The following DLGAP1 variants were observed in gnomAD, a reference collection of about 807,000 sequenced individuals.
DLGAP1 encodes the protein DLG associated protein 1.
A neutral mutation model predicts 90.8 loss-of-function variants in DLGAP1; 11 were observed. The ratio of observed to expected loss-of-function variants is 0.12; its 90% CI spans 0.08 to 0.20. The LOEUF (loss-of-function observed/expected upper bound fraction) is 0.20. Ranked by LOEUF, DLGAP1 falls within the 10% of genes least tolerant of loss-of-function variation. The pLI is 1.00. For missense variants in DLGAP1, 1,050 were observed against 1,333.8 expected (o/e 0.79, Z 3.31); for synonymous variants, 558 against 540.7 (o/e 1.03, Z -0.44).
chr18:3,708,340 C>G, intron 7 of DLGAP1: 1 of 446,940 alleles, frequency 2.2e-6, no homozygotes, highest in Admixed American at 2.4e-5. Flanking sequence ...ACACATCTGA[C>G]CGTTGTAAAA....
chr18:3,718,447 C>T (rs1250155614), intron 7 of DLGAP1, among the ~76,000 whole-genome samples: 5 of 151,802 alleles, frequency 3.3e-5, no homozygotes, highest in East Asian at 1.9e-4. Flanking sequence ...TTCTAGGATG[C>T]GTGGAAGAAA....
chr18:3,978,897 G>T (rs529221534), intron 3 of DLGAP1, among the ~76,000 whole-genome samples: 109 of 152,286 alleles, frequency 7.2e-4, no homozygotes, highest in African/African-American at 2.6e-3. Flanking sequence ...TTTAGAGGAA[G>T]AATTAAATGA....
chr18:3,650,703 ACTC>A (rs751286229), intron 7 of DLGAP1, among the ~76,000 whole-genome samples: 117 of 151,708 alleles, frequency 7.7e-4, no homozygotes, highest in Non-Finnish European at 1.4e-3. Context: ...GAAGGAAGGA[ACTC>A]CTTCTGGGAG....
intron 1 of DLGAP1, among the ~76,000 whole-genome samples, chr18:4,389,040 T>G (rs1466989825): frequency 6.6e-6 from 1 of 152,148 alleles, no homozygotes; most frequent in Non-Finnish European, 1.5e-5. Flanking sequence ...AGCAATGTCT[T>G]GAAGTGACAC....
intron 2 of DLGAP1, among the ~76,000 whole-genome samples, chr18:4,061,763 T>C (rs1326211967): frequency 6.6e-6 from 1 of 152,210 alleles, no homozygotes; most frequent in Non-Finnish European, 1.5e-5. Context: ...ATTATAATTG[T>C]TACAGTAAAT....
intron 3 of DLGAP1, among the ~76,000 whole-genome samples, chr18:3,891,089 C>A (rs1262494503): frequency 6.6e-6 from 1 of 152,190 alleles, no homozygotes; most frequent in Non-Finnish European, 1.5e-5. Context: ...TAACATTACA[C>A]CTTCAACTTC....
intron 2 of DLGAP1, among the ~76,000 whole-genome samples, chr18:4,125,544 T>G (rs371677023): frequency 1.3e-5 from 2 of 152,024 alleles, no homozygotes; most frequent in Non-Finnish European, 2.9e-5. Flanking sequence ...GCTGGAATAG[T>G]GGAGACTCAA....
chr18:4,188,068 T>C (rs990638587), intron 1 of DLGAP1, among the ~76,000 whole-genome samples: 1 of 152,118 alleles, frequency 6.6e-6, no homozygotes, highest in Non-Finnish European at 1.5e-5. Flanking sequence ...GAAAAAATTC[T>C]ATAACAAATT....
rs2060468295 is a variant in DLGAP1, at chr18:3,680,379, G to T, written c.1591+48756C>A. Reference sequence around the variant, plus strand: ...CACAGGCCTGAGGGCAGAAGGAAGGGGTACAGGTGAGTACAGTGATCACAG... The same window carrying T: ...CACAGGCCTGAGGGCAGAAGGAAGGTGTACAGGTGAGTACAGTGATCACAG... On this transcript the variant is annotated intron_variant, in intron 7 of 12. Coordinates refer to ENST00000315677, the MANE Select transcript of DLGAP1 (RefSeq NM_004746.4). Among the ~76,000 whole-genome samples, 3 of 152,176 alleles carry T rather than the reference G, an allele frequency of 2.0e-5. No homozygotes were observed. In the South Asian group the frequency reaches 6.2e-4, roughly 32 times the overall value.
intron 1 of DLGAP1, among the ~76,000 whole-genome samples, chr18:4,160,053 G>T (rs1472605699): frequency 6.6e-6 from 1 of 152,194 alleles, no homozygotes; most frequent in East Asian, 1.9e-4. Flanking sequence ...CACAACTGTT[G>T]TCTTGTTACA....
At chr18:3,999,924 G>A (rs958103934) in intron 3 of DLGAP1, among the ~76,000 whole-genome samples, 3 of 152,156 alleles carry the variant, frequency 2.0e-5, no homozygotes, top group African/African-American at 7.2e-5. Flanking sequence ...GGATTGTCCT[G>A]CCTCAGCCTC....
chr18:3,622,791 T>C (rs1398708295), intron 7 of DLGAP1, among the ~76,000 whole-genome samples: 1 of 152,086 alleles, frequency 6.6e-6, no homozygotes, highest in Admixed American at 6.6e-5. Flanking sequence ...ACACATTCAT[T>C]GATTTCTTTT....
At chr18:4,150,108 C>T (rs1879562) in intron 2 of DLGAP1, among the ~76,000 whole-genome samples, 27,685 of 152,176 alleles carry the variant, frequency 0.18, 6,669 homozygotes, top group African/African-American at 0.55. Flanking sequence ...ATTTGGCCTG[C>T]GCTTCTTCCC....
Position 3,625,733 on chromosome 18 carries a change from GA to G in DLGAP1, c.1592-43486del, listed in dbSNP as rs1234453212. On this transcript the variant is annotated intron_variant, in intron 7 of 12. Coordinates refer to ENST00000315677, the MANE Select transcript of DLGAP1 (RefSeq NM_004746.4). ...TAGTTCAGAAAGCATTTGTAAAACA[GA>G]AAAAAAAAGGAAATCATAAATATCA... 5.3e-5 allele frequency among the ~76,000 whole-genome samples: 8 copies of G among 150,072 alleles called. No individual in the cohort carries two copies. The South Asian group carries it at 1.0e-3, about 20-fold the overall frequency.
chr18:4,030,721 G>A (rs1278350293), intron 2 of DLGAP1, among the ~76,000 whole-genome samples: 3 of 152,166 alleles, frequency 2.0e-5, no homozygotes, highest in Non-Finnish European at 4.4e-5. Flanking sequence ...AGGAGTTCGA[G>A]ACCAGCCTGG....
At chr18:3,933,087 G>A (rs965774527) in intron 3 of DLGAP1, among the ~76,000 whole-genome samples, 2 of 152,234 alleles carry the variant, frequency 1.3e-5, no homozygotes, top group African/African-American at 4.8e-5. Context: ...GTTCAAGATA[G>A]TGGATCACTG....
intron 9 of DLGAP1, among the ~76,000 whole-genome samples, chr18:3,554,407 A>T (rs1445370624): frequency 1.3e-5 from 2 of 152,190 alleles, no homozygotes; most frequent in Admixed American, 1.3e-4. Context: ...GATGAAGATG[A>T]TGGGTTTCTG....
intron 7 of DLGAP1, among the ~76,000 whole-genome samples, chr18:3,620,945 G>A (rs2058074706): frequency 6.6e-6 from 1 of 152,184 alleles, no homozygotes; most frequent in South Asian, 2.1e-4. Context: ...GGTTCCCAGA[G>A]GTTGGTCTCC....
intron 7 of DLGAP1, chr18:3,656,144 T>A: frequency 6.5e-7 from 1 of 1,539,606 alleles, no homozygotes; most frequent in South Asian, 1.2e-5. Context: ...GGCAGTTATA[T>A]AATGGACCCA....
Sources: gnomAD v4.1 joint callset for allele counts (sites outside exome capture counted in the v4.1 genomes callset) on GRCh38, gnomAD v4.1.1 for gene constraint, MANE v1.5 for transcripts, NCBI Gene and HGNC (gene_info 2026-07-23, HGNC 2026-07-21) for gene names.